The following RASAL3 variants were observed in gnomAD, a reference collection of about 807,000 sequenced individuals.
The protein encoded by RASAL3 is RAS protein activator like 3.
RASAL3 carries 74 observed loss-of-function variants against 105.5 expected under a neutral mutation model. The observed-to-expected ratio is 0.70, with a 90% CI of 0.58 to 0.85. RASAL3 has a LOEUF of 0.85. Among genes scored for constraint, RASAL3 ranks in the 40% least tolerant of loss-of-function variants. The pLI is 0.00. For missense variants in RASAL3, 1,352 were observed against 1,392.0 expected (o/e 0.97, Z 0.46); for synonymous variants, 579 against 591.6 (o/e 0.98, Z 0.31).
intron 3 of RASAL3, 64 bp from the exon 4 acceptor site, chr19:15,461,360 C>G (rs1426147713): frequency 1.9e-6 from 3 of 1,553,536 alleles, no homozygotes; most frequent in Non-Finnish European, 1.8e-6. Flanking sequence ...GCAGGCAGAC[C>G]GAGGGAGAGG....
chr19:15,456,236 C>T lies in RASAL3; in HGVS notation c.1589G>A (p.Arg530Gln), dbSNP rs118046282. The change falls in exon 11 of 18, where the codon CGG (arginine) becomes CAG (glutamine). Residue 530 changes from arginine to glutamine, a missense_variant. Physicochemically the swap from Arg to Gln is conservative, Grantham distance 43 (BLOSUM62 1). Around this residue, in one of 3 missense-constraint regions of RASAL3, gnomAD observed 920 missense variants for 919.6 expected, o/e 1.00. Transcript: ENST00000343625. The surrounding 1 kb of genome is among the most constrained non-coding windows in gnomAD (Gnocchi z 4.4). ...GTCCTCAGTAGAAGCACAGAGACGC[C>T]GCACAACCTGTCCTGCAGCCCAGCA... ...YLQETLGQVV[R>Q]RLCASTEDCE... is the part of the protein sequence containing the mutation. 331 of 1,613,686 alleles carry T rather than the reference C, an allele frequency of 2.1e-4. 2 individuals carry two copies. The East Asian group carries it at 6.1e-3, about 30-fold the overall frequency.
intron 3 of RASAL3, 35 bp from the exon 4 acceptor site, chr19:15,461,331 G>GAGGC (rs566684232): frequency 2.4e-5 from 39 of 1,598,606 alleles, no homozygotes; most frequent in South Asian, 1.6e-4. Context: ...TCAGAGAGGG[G>GAGGC]AGGCAGGCAG....
At chr19:15,460,709 A>C (rs1703200791) in intron 5 of RASAL3, among the ~76,000 whole-genome samples, 1 of 152,116 alleles carries the variant, frequency 6.6e-6, no homozygotes, top group Non-Finnish European at 1.5e-5. Context: ...AGCATCAATC[A>C]TATATTCTCC....
At chr19:15,463,185 A>C (rs938101977) in intron 2 of RASAL3, among the ~76,000 whole-genome samples, 11 of 151,286 alleles carry the variant, frequency 7.3e-5, no homozygotes, top group African/African-American at 2.7e-4. Flanking sequence ...TCCCGGGTTC[A>C]AGCGATTATC....
At chr19:15,460,317 C>T (rs928103231) in intron 5 of RASAL3, 59 bp from the exon 6 acceptor site, 1 of 1,505,186 alleles carries the variant, frequency 6.6e-7, no homozygotes, top group Non-Finnish European at 9.1e-7. Context: ...AGCTCCTTCC[C>T]TCCCAAGACA....
chr19:15,457,458 C>T lies in RASAL3; in HGVS notation c.1265G>A (p.Arg422His), dbSNP rs1970360880. 3 of 1,387,518 alleles carry T rather than the reference C, an allele frequency of 2.2e-6. No individual in the cohort carries two copies. Among genetic ancestry groups the T allele is most frequent in the East Asian group, 7.2e-5 (2 of 27,924 alleles). 86.0% of individuals were successfully genotyped at this position (1,387,518 alleles called of 1,614,324 possible). ...GAALRARIRA[R>H]RLRVLPSERY... is the part of the protein sequence containing the mutation. ...CTCGGACGGCAGCACGCGCAGGCGA[C>T]GCGCCCGAATCCGCGCCCGCAGCGC... Residue 422 changes from arginine (R) to histidine (H), a missense_variant, in exon 9 of 18, where the codon CGT (arginine) becomes CAT (histidine). Coordinates refer to ENST00000343625, the MANE Select transcript of RASAL3 (RefSeq NM_022904.3). This position sits in a 1 kb window ranked among gnomAD's most constrained non-coding sequence, Gnocchi z 8.6.
At chr19:15,460,662 G>A (rs1475411272) in intron 5 of RASAL3, among the ~76,000 whole-genome samples, 2 of 152,292 alleles carry the variant, frequency 1.3e-5, no homozygotes, top group Non-Finnish European at 2.9e-5. Context: ...GATTACAGGT[G>A]TGAACCACTG....
chr19:15,457,619 C>G lies in RASAL3; in HGVS notation c.1104G>C (p.Leu368=). 7 of 1,386,002 alleles carry G rather than the reference C, an allele frequency of 5.1e-6. No homozygotes were observed. Among genetic ancestry groups the G allele is most frequent in the Non-Finnish European group, 6.6e-6 (7 of 1,067,838 alleles). The allele number at this position is 1,386,002 out of a possible 1,614,324, so 85.9% of individuals were successfully genotyped here. Residue 368 remains leucine (L), a synonymous_variant, in exon 9 of 18, where the codon CTG becomes CTC. Transcript: ENST00000343625. This position sits in a 1 kb window ranked among gnomAD's most constrained non-coding sequence, Gnocchi z 8.6. ...EALPPARRLS[L]RLRGLGPGSA... is the part of the protein sequence containing the mutation. ...TTCCCGGGCCCAAGCCGCGCAGCCG[C>G]AGCGACAGGCGACGTGCCGGTGGCA...
In RASAL3 at chr19:15,461,576, AG is replaced by A. The variant is rs1198600060; in HGVS notation, c.359del (p.Pro120LeufsTer89). ...ELEPEPELEP[P>X]TPQIPEAPTP... ...TGGGGGCCTCAGGGATCTGTGGGGT[AG>A]GGGGCTCCAGCTCTGGCTCCGGCTC... On this transcript the variant is annotated frameshift_variant, in exon 3 of 18. Coordinates refer to ENST00000343625, the MANE Select transcript of RASAL3 (RefSeq NM_022904.3). LOFTEE classifies it high-confidence loss of function. The A allele has an allele frequency of 3.3e-6, 5 of 1,532,466 alleles. No individual in the cohort carries two copies. Among genetic ancestry groups the A allele is most frequent in the Non-Finnish European group, 4.4e-6 (5 of 1,145,506 alleles). The allele number at this position is 1,532,466 out of a possible 1,614,324, so 94.9% of individuals were successfully genotyped here.
chr19:15,461,331 GAGGCAGGCAGGC>G lies in RASAL3; in HGVS notation c.466-47_466-36del, dbSNP rs566684232. On this transcript the variant is annotated intron_variant, in intron 3 of 17. Coordinates refer to ENST00000343625, the MANE Select transcript of RASAL3 (RefSeq NM_022904.3). The stretch of plus-strand genomic sequence containing the variant: ...CGCAGGAGTGGGTAGTCAGAGAGGG[GAGGCAGGCAGGC>G]AGGCAGGCAGGCAGACCGAGGGAGA... 5.0e-5 allele frequency: 80 copies of G among 1,598,602 alleles called. No homozygotes were observed. In the African/African-American group the frequency reaches 8.4e-4, roughly 17 times the overall value.
In RASAL3 at chr19:15,457,853, TG is replaced by T. The variant is rs1489530358; in HGVS notation, c.889-20del. 2 of 1,545,026 alleles carry T rather than the reference TG, an allele frequency of 1.3e-6. No individual in the cohort carries two copies. The highest frequency in any genetic ancestry group is 2.0e-5 in the Admixed American group (1 of 50,466). On this transcript the variant is annotated intron_variant, in intron 8 of 17. Transcript: ENST00000343625. This position sits in a 1 kb window ranked among gnomAD's most constrained non-coding sequence, Gnocchi z 8.6. Reference sequence around the variant, plus strand: ...CGTTGTCCTGCAGATGGGAGTGGGATGGGGGGAAGCGTTTTGGTTTGTTGGC... The same window carrying T: ...CGTTGTCCTGCAGATGGGAGTGGGATGGGGGAAGCGTTTTGGTTTGTTGGC...
chr19:15,455,861 G>T (rs914584665), intron 11 of RASAL3, among the ~76,000 whole-genome samples: 1 of 152,110 alleles, frequency 6.6e-6, no homozygotes, highest in Non-Finnish European at 1.5e-5. Context: ...ATGTTGCCCA[G>T]ACTGGCCTTG....
At position 15,454,765 on chromosome 19, in the gene RASAL3, A is replaced by C; in HGVS notation, c.1850T>G (p.Ile617Ser). The change falls in exon 12 of 18, where the codon ATC becomes AGC. Residue 617 changes from isoleucine to serine, a missense_variant. By Grantham distance (142) the Ile-to-Ser change is moderately radical. Around this residue, in one of 3 missense-constraint regions of RASAL3, gnomAD observed 920 missense variants for 919.6 expected, o/e 1.00. Transcript: ENST00000343625. Reference protein sequence around the residue: ...SLFLRLLCPAILAPSLFGLAP... With the variant: ...SLFLRLLCPASLAPSLFGLAP... The stretch of plus-strand genomic sequence containing the variant: ...CAAACCAAAGAGGCTGGGTGCCAGG[A>C]TGGCAGGGCACAGGAGCCGCAGGAA... 4 of 1,605,166 alleles carry C rather than the reference A, an allele frequency of 2.5e-6. No individual in the cohort carries two copies. The highest frequency in any genetic ancestry group is 3.4e-6 in the Non-Finnish European group (4 of 1,176,096).
chr19:15,454,713 T>A lies in RASAL3; in HGVS notation c.1902A>T (p.Pro634=), dbSNP rs199513045. 155 of 1,611,370 alleles carry A rather than the reference T, an allele frequency of 9.6e-5. No homozygotes were observed. Among genetic ancestry groups the A allele is most frequent in the Non-Finnish European group, 1.3e-4 (148 of 1,178,838 alleles). Residue 634 remains proline (P), a synonymous_variant, in exon 12 of 18, where the codon CCA becomes CCT. Coordinates refer to ENST00000343625, the MANE Select transcript of RASAL3 (RefSeq NM_022904.3). Reference sequence around the variant, plus strand: ...TGGCAATCAGTGTGAGGGTGCGGGCTGGGCCGGGTGCTGGATGGTCTGGTG... The same window carrying A: ...TGGCAATCAGTGTGAGGGTGCGGGCAGGGCCGGGTGCTGGATGGTCTGGTG... ...GLAPDHPAPG[P]ARTLTLIAKV...
intron 8 of RASAL3, 39 bp downstream of exon 8, chr19:15,458,289 G>A (rs1339456975): frequency 6.3e-7 from 1 of 1,579,558 alleles, no homozygotes; most frequent in East Asian, 2.3e-5. Context: ...CAGGCCTGTG[G>A]GCGGGGTCTC....
Position 15,453,626 on chromosome 19 carries a change from T to C in RASAL3, c.2280-129A>G. 8.4e-6 allele frequency: 8 copies of C among 951,534 alleles called. No individual in the cohort carries two copies. Among genetic ancestry groups the C allele is most frequent in the Non-Finnish European group, 1.2e-5 (8 of 684,228 alleles). 58.9% of individuals were successfully genotyped at this position (951,534 alleles called of 1,614,324 possible). A position where few individuals can be genotyped will look rare whatever the true frequency, so the allele number is the denominator to read the frequency against. On this transcript the variant is annotated intron_variant, in intron 14 of 17. Transcript: ENST00000343625. This position sits in a 1 kb window ranked among gnomAD's most constrained non-coding sequence, Gnocchi z 4.2. ...CTTTTTTTTTTTTGAGACAAGGTCTTGCTCTGTCGCCCAGGCTGGAGTGCA... is the reference window on the plus strand; with the variant it reads ...CTTTTTTTTTTTTGAGACAAGGTCTCGCTCTGTCGCCCAGGCTGGAGTGCA...
rs1233679599 is a variant in RASAL3 at position 15,454,418 on chromosome 19, G to A, written c.2103C>T (p.Ala701=). 6 of 1,613,916 alleles carry A rather than the reference G, an allele frequency of 3.7e-6. No individual in the cohort carries two copies. Among genetic ancestry groups the A allele is most frequent in the East Asian group, 4.5e-5 (2 of 44,886 alleles). ...PSGYQGSGDL[A]LQLAVLHAQL... ...GGGCATGCAGGACAGCTAACTGGAGGGCCAGATCACCACTGCCCTGGTAAC... is the reference window on the plus strand; with the variant it reads ...GGGCATGCAGGACAGCTAACTGGAGAGCCAGATCACCACTGCCCTGGTAAC... Residue 701 remains alanine, a synonymous_variant, in exon 13 of 18, where the codon GCC becomes GCT. Transcript: ENST00000343625.
In RASAL3 at chr19:15,454,184, C is replaced by T. The variant is rs1045506120; in HGVS notation, c.2244G>A (p.Met748Ile). ...CCTGGGCCGGGGGCAGTGGGAGACG[C>T]ATTGGCACTGACACAAGCACAGGCT... ...EGQPVLVSVP[M>I]RLPLPPAQVH... The change falls in exon 14 of 18, where the codon ATG (methionine) becomes ATA (isoleucine). Residue 748 changes from methionine (M) to isoleucine (I), a missense_variant. Physicochemically the swap from Met to Ile is conservative, Grantham distance 10. This residue lies in a region of RASAL3 where 920 missense variants were observed against 919.6 expected (regional missense o/e 1.00). Coordinates refer to ENST00000343625, the MANE Select transcript of RASAL3 (RefSeq NM_022904.3). The T allele has an allele frequency of 2.6e-5, 41 of 1,568,508 alleles. No homozygotes were observed. Among genetic ancestry groups the T allele is most frequent in the Middle Eastern group, 1.7e-4 (1 of 6,030 alleles).
Position 15,452,083 on chromosome 19 carries a change from T to C in RASAL3, c.2854A>G (p.Asn952Asp), listed in dbSNP as rs752025008. 1 of 1,613,912 alleles carries C rather than the reference T, an allele frequency of 6.2e-7. No homozygotes were observed. Among genetic ancestry groups the C allele is most frequent in the South Asian group, 1.1e-5 (1 of 91,084 alleles). The change falls in exon 17 of 18, where the codon AAC becomes GAC. Residue 952 changes from asparagine (N) to aspartate (D), a missense_variant. Physicochemically the swap from Asn to Asp is conservative, Grantham distance 23. Coordinates refer to ENST00000343625, the MANE Select transcript of RASAL3 (RefSeq NM_022904.3). ...CTGTGCCCTTCATTGCTTGTTAGGT[T>C]GTGCTCTGAATCAAACTCTGAGCTC... ...AGSSEFDSEH[N>D]LTSNEGHSLK... is the part of the protein sequence containing the mutation.
Sources: allele counts gnomAD v4.1 joint callset (sites outside exome capture counted in the v4.1 genomes callset), GRCh38; gene constraint gnomAD v4.1.1; regional missense constraint gnomAD v4.1.1; non-coding constraint Gnocchi (gnomAD v3.1); transcripts MANE v1.5; gene names NCBI Gene and HGNC (gene_info 2026-07-23, HGNC 2026-07-21).